Variants in WWTR1 observed in about 807,000 individuals in gnomAD.
The protein encoded by WWTR1 is WW domain-containing transcription regulator protein 1.
WWTR1 carries 13 observed loss-of-function variants against 40.1 expected under a neutral mutation model. That is an observed-to-expected ratio of 0.32 (90% CI 0.21 to 0.52). The LOEUF is 0.52. WWTR1 is among the 20% of genes least tolerant of loss of function. WWTR1 has a pLI of 0.97. For synonymous variants in WWTR1, 230 were observed against 210.1 expected (o/e 1.09, Z -0.82); for missense variants, 436 against 523.1 (o/e 0.83, Z 1.63).
chr3:149,539,333 G>A (rs1735978754), intron 4 of WWTR1, among the ~76,000 whole-genome samples: 1 of 152,120 alleles, frequency 6.6e-6, no homozygotes, highest in South Asian at 2.1e-4. Flanking sequence ...TAGTAATTAG[G>A]GGATAAATTC....
intron 2 of WWTR1, among the ~76,000 whole-genome samples, chr3:149,595,875 T>C: frequency 6.6e-6 from 1 of 151,936 alleles, no homozygotes; most frequent in Non-Finnish European, 1.5e-5. Context: ...CTACTAAAAA[T>C]ACAAAAATTA....
At chr3:149,689,722 T>C (rs1354507553) in intron 1 of WWTR1, among the ~76,000 whole-genome samples, 2 of 152,172 alleles carry the variant, frequency 1.3e-5, no homozygotes. Flanking sequence ...AGATCTGTCC[T>C]ATAAGAAATG....
At chr3:149,716,586 G>C (rs1036052914) in intron 5 of WWTR1, among the ~76,000 whole-genome samples, 12 of 151,224 alleles carry the variant, frequency 7.9e-5, no homozygotes, top group Non-Finnish European at 1.8e-4. Flanking sequence ...CTGGTATTAG[G>C]GAAAAAAAAA....
At chr3:149,713,322 C>T (rs933329736) in intron 5 of WWTR1, among the ~76,000 whole-genome samples, 3 of 151,940 alleles carry the variant, frequency 2.0e-5, no homozygotes, top group Non-Finnish European at 4.4e-5. Context: ...ACCATGAATT[C>T]TCTTCCATAA....
At chr3:149,590,999 C>CTT (rs35562651) in intron 2 of WWTR1, among the ~76,000 whole-genome samples, 44 of 144,254 alleles carry the variant, frequency 3.1e-4, no homozygotes, top group African/African-American at 4.3e-4. Flanking sequence ...CAAAACTTAG[C>CTT]TTTTTTTTTT....
chr3:149,668,369 G>A (rs1713921351), intron 2 of WWTR1, among the ~76,000 whole-genome samples: 1 of 152,134 alleles, frequency 6.6e-6, no homozygotes, highest in African/African-American at 2.4e-5. Flanking sequence ...CACTTTGGGA[G>A]GCTAAGGCGG....
intron 1 of WWTR1, among the ~76,000 whole-genome samples, chr3:149,685,143 T>G (rs1326496320): frequency 6.6e-6 from 1 of 152,164 alleles, no homozygotes; most frequent in Non-Finnish European, 1.5e-5. Context: ...TGGGAGGAAT[T>G]GCCTTACAAA....
chr3:149,682,680 C>T (rs527354201), intron 1 of WWTR1, among the ~76,000 whole-genome samples: 1 of 152,312 alleles, frequency 6.6e-6, no homozygotes, highest in African/African-American at 2.4e-5. Flanking sequence ...TGTCTCTCTT[C>T]TCTTCACTAC....
chr3:149,522,526 C>T (rs776680782), intron 6 of WWTR1, among the ~76,000 whole-genome samples: 93 of 151,998 alleles, frequency 6.1e-4, no homozygotes, highest in South Asian at 1.2e-3. Flanking sequence ...TAACGTTAAA[C>T]GAAAAAACAA....
chr3:149,543,036 T>A (rs1736194328), intron 3 of WWTR1, among the ~76,000 whole-genome samples: 1 of 152,164 alleles, frequency 6.6e-6, no homozygotes, highest in South Asian at 2.1e-4. Flanking sequence ...AGCCGACATA[T>A]AAGGAGGACT....
chr3:149,626,090 T>C (rs1273049127), intron 2 of WWTR1, among the ~76,000 whole-genome samples: 1 of 152,010 alleles, frequency 6.6e-6, no homozygotes, highest in Non-Finnish European at 1.5e-5. Flanking sequence ...GACAAATGAG[T>C]TTTCCTGCAG....
At chr3:149,572,828 A>T in intron 3 of WWTR1, 36 bp downstream of exon 3, 2 of 1,605,302 alleles carry the variant, frequency 1.2e-6, no homozygotes, top group Non-Finnish European at 8.5e-7. Flanking sequence ...CAAAAAAAAA[A>T]TATCTTTTTT....
intron 2 of WWTR1, among the ~76,000 whole-genome samples, chr3:149,615,637 C>A (rs1391394500): frequency 1.3e-5 from 2 of 152,232 alleles, no homozygotes; most frequent in Non-Finnish European, 2.9e-5. Context: ...TGGCTACTTA[C>A]TACGTGCCCA....
At chr3:149,619,779 CTT>C (rs1740183518) in intron 2 of WWTR1, among the ~76,000 whole-genome samples, 1 of 152,148 alleles carries the variant, frequency 6.6e-6, no homozygotes, top group East Asian at 1.9e-4. Flanking sequence ...CACAGTTTAC[CTT>C]TCTTGCCCAA....
At chr3:149,595,811 C>T (rs1738976328) in intron 2 of WWTR1, among the ~76,000 whole-genome samples, 2 of 152,156 alleles carry the variant, frequency 1.3e-5, no homozygotes, top group Admixed American at 6.5e-5. Context: ...GGCAGGTGAA[C>T]ACCTGAAGTC....
intron 2 of WWTR1, among the ~76,000 whole-genome samples, chr3:149,615,850 A>T (rs1311291516): frequency 1.3e-5 from 2 of 152,200 alleles, no homozygotes; most frequent in African/African-American, 4.8e-5. Flanking sequence ...CCCTTTATAA[A>T]TATTATTGTA....
chr3:149,716,783 T>C (rs13321700), intron 5 of WWTR1, among the ~76,000 whole-genome samples: 61,064 of 151,904 alleles, frequency 0.4, 13,193 homozygotes, highest in African/African-American at 0.56. Context: ...GTTTAGGATA[T>C]GTCCAGAAGA....
At chr3:149,668,462 G>T (rs1022219790) in intron 2 of WWTR1, among the ~76,000 whole-genome samples, 1 of 152,050 alleles carries the variant, frequency 6.6e-6, no homozygotes, top group African/African-American at 2.4e-5. Context: ...CAAAAAATTA[G>T]CCGGGCATGG....
At chr3:149,630,956 A>G (rs1711527121) in intron 2 of WWTR1, among the ~76,000 whole-genome samples, 1 of 152,220 alleles carries the variant, frequency 6.6e-6, no homozygotes, top group East Asian at 1.9e-4. Flanking sequence ...CTTAATGGAC[A>G]AAAGGGGATG....
Sources: gnomAD v4.1 joint callset for allele counts (sites outside exome capture counted in the v4.1 genomes callset) on GRCh38, gnomAD v4.1.1 for gene constraint, MANE v1.5 for transcripts, NCBI Gene and HGNC (gene_info 2026-07-23, HGNC 2026-07-21) for gene names.